Variants in ST3GAL3 observed in about 807,000 individuals in gnomAD.
The protein encoded by ST3GAL3 is ST3 beta-galactoside alpha-2,3-sialyltransferase 3, also known as CMP-N-acetylneuraminate-beta-1,4-galactoside alpha-2,3-sialyltransferase.
Under a neutral mutation model 50.1 loss-of-function variants are expected in ST3GAL3, and 21 were observed. The ratio of observed to expected loss-of-function variants is 0.42; its 90% CI spans 0.30 to 0.60. ST3GAL3 has a LOEUF of 0.60. ST3GAL3 is among the 20% of genes least tolerant of loss of function. The probability of loss-of-function intolerance (pLI) is 0.19; values close to 1 mark genes in which losing one functional copy is unlikely to be tolerated. For missense variants in ST3GAL3, 353 were observed against 489.4 expected (o/e 0.72, Z 2.63); for synonymous variants, 183 against 190.0 (o/e 0.96, Z 0.30).
intron 1 of ST3GAL3, among the ~76,000 whole-genome samples, chr1:43,733,114 C>G (rs1007295197): frequency 6.6e-6 from 1 of 152,046 alleles, no homozygotes; most frequent in Non-Finnish European, 1.5e-5. Context: ...CCCGCCTCAG[C>G]CTCCCAAGTA....
At chr1:43,725,864 C>T (rs1240011709) in intron 1 of ST3GAL3, among the ~76,000 whole-genome samples, 2 of 151,958 alleles carry the variant, frequency 1.3e-5, no homozygotes, top group African/African-American at 4.8e-5. Flanking sequence ...AGGCTAATCT[C>T]GAACTCTTAG....
intron 3 of ST3GAL3, among the ~76,000 whole-genome samples, chr1:43,794,021 C>T (rs896632876): frequency 1.4e-5 from 2 of 147,906 alleles, no homozygotes; most frequent in Non-Finnish European, 3.0e-5. Context: ...GAGTTAGAGG[C>T]TGCAATGAGC....
At chr1:43,729,802 T>C (rs1328042014) in intron 1 of ST3GAL3, among the ~76,000 whole-genome samples, 3 of 152,242 alleles carry the variant, frequency 2.0e-5, no homozygotes, top group Admixed American at 1.3e-4. Context: ...CTACAATAAG[T>C]GGCCATTCAC....
At chr1:43,824,192 A>C (rs1490579710) in intron 4 of ST3GAL3, among the ~76,000 whole-genome samples, 1 of 152,168 alleles carries the variant, frequency 6.6e-6, no homozygotes, top group Non-Finnish European at 1.5e-5. Context: ...AGATCTTTCA[A>C]ATATTGTTAT....
In ST3GAL3 at chr1:43,922,958, G is replaced by A. The variant is rs534280913; in HGVS notation, c.1038+2030G>A. The stretch of plus-strand genomic sequence containing the variant: ...CTACTAAAAATACAAAAAACTAGCC[G>A]GGCATGGTGGCAGGTGCCTGTAGTC... On this transcript the variant is annotated intron_variant, in intron 11 of 11. Coordinates refer to ENST00000347631, the MANE Select transcript of ST3GAL3 (RefSeq NM_006279.5). Among the ~76,000 whole-genome samples the A allele has an allele frequency of 9.2e-5, 14 of 151,792 alleles. No individual in the cohort carries two copies. In the East Asian group the frequency reaches 1.4e-3, roughly 15 times the overall value.
chr1:43,809,822 G>A (rs1033681717), intron 3 of ST3GAL3, among the ~76,000 whole-genome samples: 5 of 151,852 alleles, frequency 3.3e-5, no homozygotes, highest in East Asian at 3.9e-4. Flanking sequence ...GTGAAACTCC[G>A]TCTCTACTAA....
chr1:43,778,650 T>C (rs972854324), intron 2 of ST3GAL3, among the ~76,000 whole-genome samples: 4 of 141,558 alleles, frequency 2.8e-5, no homozygotes, highest in African/African-American at 1.0e-4. Flanking sequence ...TTTTCTTTTT[T>C]TTTTTTTTTT....
At chr1:43,713,522 A>ATT (rs556526111) in intron 1 of ST3GAL3, among the ~76,000 whole-genome samples, 40,283 of 121,998 alleles carry the variant, frequency 0.33, 7,681 homozygotes, top group East Asian at 0.45. Context: ...ACGTTGTGGG[A>ATT]TTTTTTTTTT....
intron 2 of ST3GAL3, among the ~76,000 whole-genome samples, chr1:43,775,937 A>AAATTGACCACAGTATGTG (rs1697072609): frequency 6.6e-6 from 1 of 152,218 alleles, no homozygotes; most frequent in Non-Finnish European, 1.5e-5. Context: ...GTCCACAGTC[A>AAATTGACCACAGTATGTG]GCCTCCATTG....
chr1:43,771,775 G>T, intron 2 of ST3GAL3: 8 of 358,698 alleles, frequency 2.2e-5, no homozygotes, highest in South Asian at 1.5e-4. Flanking sequence ...TGTGTGTATA[G>T]TATCTGCACT....
intron 5 of ST3GAL3, 168 bp downstream of exon 5, chr1:43,838,479 C>A: frequency 1.5e-6 from 1 of 666,144 alleles, no homozygotes; most frequent in Non-Finnish European, 2.7e-6. Context: ...TACTCCATGC[C>A]GTTGCTTTGC....
intron 2 of ST3GAL3, among the ~76,000 whole-genome samples, chr1:43,761,757 T>C (rs977356769): frequency 6.7e-6 from 1 of 148,952 alleles, no homozygotes; most frequent in African/African-American, 2.5e-5. Flanking sequence ...GAGACCATCC[T>C]GGCTAACACA....
At chr1:43,850,563 G>T in intron 5 of ST3GAL3, 1 of 721,156 alleles carries the variant, frequency 1.4e-6, no homozygotes. Flanking sequence ...GGGCCGTAGA[G>T]TGTTTCTATC....
chr1:43,715,850 A>G (rs1667124133), intron 1 of ST3GAL3, among the ~76,000 whole-genome samples: 1 of 152,214 alleles, frequency 6.6e-6, no homozygotes. Flanking sequence ...TGGTCACCTC[A>G]TCATGTTATA....
intron 1 of ST3GAL3, among the ~76,000 whole-genome samples, chr1:43,729,276 G>A (rs1396749241): frequency 2.0e-5 from 3 of 151,628 alleles, no homozygotes; most frequent in African/African-American, 4.8e-5. Flanking sequence ...TTTTTGTAAA[G>A]ACTATATTGC....
At chr1:43,764,677 A>G (rs1691883865) in intron 2 of ST3GAL3, among the ~76,000 whole-genome samples, 2 of 152,340 alleles carry the variant, frequency 1.3e-5, no homozygotes, top group South Asian at 2.1e-4. Flanking sequence ...CAGATAATCC[A>G]TGTTTTCTAA....
chr1:43,828,744 A>C (rs1297564391), intron 4 of ST3GAL3, among the ~76,000 whole-genome samples: 2 of 152,188 alleles, frequency 1.3e-5, no homozygotes, highest in Admixed American at 1.3e-4. Flanking sequence ...AAAAACCAAA[A>C]AACCTGACAG....
chr1:43,824,524 C>T (rs902366627), intron 4 of ST3GAL3, among the ~76,000 whole-genome samples: 3 of 152,128 alleles, frequency 2.0e-5, no homozygotes, highest in Admixed American at 2.0e-4. Flanking sequence ...GTCTGGTTTC[C>T]AAAATGCAGA....
chr1:43,834,325 C>A (rs371478978), intron 4 of ST3GAL3, among the ~76,000 whole-genome samples: 89 of 152,308 alleles, frequency 5.8e-4, no homozygotes, highest in African/African-American at 2.1e-3. Context: ...TGCCCCATTT[C>A]TTTGTTCCTT....
Sources: gnomAD v4.1 joint callset for allele counts (sites outside exome capture counted in the v4.1 genomes callset) on GRCh38, gnomAD v4.1.1 for gene constraint, MANE v1.5 for transcripts, NCBI Gene and HGNC (gene_info 2026-07-23, HGNC 2026-07-21) for gene names.